PRKCH: variants seen among roughly 807,000 people sequenced by gnomAD.
PRKCH encodes the protein protein kinase C eta.
In PRKCH, 28 loss-of-function variants were observed where a neutral mutation model predicts 82.5. The ratio of observed to expected loss-of-function variants is 0.34; its 90% CI spans 0.25 to 0.47. The LOEUF is 0.47. Among genes scored for constraint, PRKCH ranks in the 20% least tolerant of loss-of-function variants. PRKCH has a pLI of 1.00. For synonymous variants in PRKCH, 322 were observed against 327.4 expected (o/e 0.98, Z 0.18); for missense variants, 705 against 881.8 (o/e 0.80, Z 2.54).
intron 2 of PRKCH, among the ~76,000 whole-genome samples, chr14:61,405,397 G>A (rs1208741604): frequency 6.9e-6 from 1 of 145,146 alleles, no homozygotes. Flanking sequence ...TTTTTTTTGA[G>A]ACGGAGTCTC....
chr14:61,463,398 G>A (rs573642456), intron 9 of PRKCH: 1 of 152,118 alleles, frequency 6.6e-6, no homozygotes, highest in South Asian at 2.1e-4. Flanking sequence ...TTGGCAAAAA[G>A]GAAATAGTAA....
At chr14:61,519,448 G>A (rs181134242) in intron 10 of PRKCH, among the ~76,000 whole-genome samples, 173 of 152,262 alleles carry the variant, frequency 1.1e-3, no homozygotes, top group African/African-American at 3.8e-3. Flanking sequence ...TCAAATAGGA[G>A]TCATTTTTGT....
intron 1 of PRKCH, among the ~76,000 whole-genome samples, chr14:61,379,665 AAGG>A (rs368688859): frequency 1.5e-3 from 231 of 152,310 alleles, no homozygotes; most frequent in African/African-American, 5.2e-3. Flanking sequence ...CCCTGCAAAG[AAGG>A]AGGCTCACTT....
intron 1 of PRKCH, among the ~76,000 whole-genome samples, chr14:61,296,342 G>A (rs906554412): frequency 1.3e-5 from 2 of 152,092 alleles, no homozygotes; most frequent in African/African-American, 4.8e-5. Flanking sequence ...CGGGGGATCG[G>A]CTAAGCTGAT....
At chr14:61,297,485 G>T (rs1340976763) in intron 1 of PRKCH, among the ~76,000 whole-genome samples, 2 of 152,144 alleles carry the variant, frequency 1.3e-5, no homozygotes, top group African/African-American at 4.8e-5. Flanking sequence ...ACTCATATTT[G>T]TCTGCTGCAG....
At position 61,242,468 on chromosome 14, in the gene PRKCH, G is replaced by A. The variant is rs186876654; in HGVS notation, c.-19+54800G>A. 4.5e-3 allele frequency among the ~76,000 whole-genome samples: 687 copies of A among 152,308 alleles called. 4 individuals are homozygous for A. Among genetic ancestry groups the A allele is most frequent in the African/African-American group, 0.016 (656 of 41,570 alleles). Reference sequence around the variant, plus strand: ...GCTGGAGTGCAGTGGCACGATCTCAGCTCACCACAACCTCTGCCTCCCAGG... The same window carrying A: ...GCTGGAGTGCAGTGGCACGATCTCAACTCACCACAACCTCTGCCTCCCAGG... On this transcript the variant is annotated intron_variant, in intron 1 of 3. Coordinates refer to the PRKCH transcript ENST00000555185.
chr14:61,255,038 C>G (rs756399246), intron 1 of PRKCH, among the ~76,000 whole-genome samples: 1 of 152,234 alleles, frequency 6.6e-6, no homozygotes, highest in African/African-American at 2.4e-5. Flanking sequence ...CAGTCCCACA[C>G]TCTCTCAAAG....
At chr14:61,305,167 A>G (rs747491299) in intron 1 of PRKCH, 1 of 151,642 alleles carries the variant, frequency 6.6e-6, no homozygotes, top group Non-Finnish European at 1.5e-5. Context: ...CCTTTCTTTT[A>G]CTGAGACTCT....
intron 1 of PRKCH, among the ~76,000 whole-genome samples, chr14:61,262,780 T>C (rs1310464904): frequency 6.6e-6 from 1 of 151,570 alleles, no homozygotes; most frequent in African/African-American, 2.4e-5. Flanking sequence ...AATCAAAAAA[T>C]AGGGAAAATG....
intron 10 of PRKCH, among the ~76,000 whole-genome samples, chr14:61,486,609 T>G (rs1218382496): frequency 3.3e-5 from 5 of 152,214 alleles, no homozygotes; most frequent in Non-Finnish European, 5.9e-5. Flanking sequence ...TTTTTTCTGC[T>G]GTTAGTGTCC....
At chr14:61,539,535 C>T (rs1010382505) in intron 12 of PRKCH, among the ~76,000 whole-genome samples, 1 of 152,140 alleles carries the variant, frequency 6.6e-6, no homozygotes, top group Admixed American at 6.5e-5. Flanking sequence ...ACTGACCCAC[C>T]GGCATTCTCA....
chr14:61,376,911 G>A (rs1406334358), intron 1 of PRKCH, among the ~76,000 whole-genome samples: 1 of 152,150 alleles, frequency 6.6e-6, no homozygotes, highest in Non-Finnish European at 1.5e-5. Context: ...CTTCTGTGCT[G>A]TTTTCCACAT....
chr14:61,457,078 G>A (rs1884800540), intron 7 of PRKCH, 98 bp from the exon 8 acceptor site: 5 of 1,333,826 alleles, frequency 3.7e-6, no homozygotes, highest in African/African-American at 2.9e-5. Context: ...ACGTTATACT[G>A]GGGGTGAGAC....
chr14:61,446,492 A>G (rs1884231787), intron 4 of PRKCH, among the ~76,000 whole-genome samples: 1 of 152,256 alleles, frequency 6.6e-6, no homozygotes, highest in Admixed American at 6.5e-5. Flanking sequence ...CTAGAGCAGT[A>G]GCCTATGTGT....
At chr14:61,257,978 T>C (rs1248124042) in intron 1 of PRKCH, among the ~76,000 whole-genome samples, 1 of 151,858 alleles carries the variant, frequency 6.6e-6, no homozygotes, top group African/African-American at 2.4e-5. Context: ...TTATGGATTT[T>C]TTTTTCTAAG....
intron 9 of PRKCH, among the ~76,000 whole-genome samples, chr14:61,474,222 G>A (rs983578323): frequency 6.6e-6 from 1 of 152,134 alleles, no homozygotes; most frequent in Non-Finnish European, 1.5e-5. Flanking sequence ...CACCATCTTA[G>A]GATCTGCTCA....
At chr14:61,451,019 G>A (rs1884486722) in intron 6 of PRKCH, 48 bp downstream of exon 6, 3 of 1,585,004 alleles carry the variant, frequency 1.9e-6, no homozygotes, top group Non-Finnish European at 1.7e-6. Context: ...GGAACACTAT[G>A]CCCTAAGCTT....
At chr14:61,432,948 T>A (rs1381332187) in intron 2 of PRKCH, among the ~76,000 whole-genome samples, 1 of 147,664 alleles carries the variant, frequency 6.8e-6, no homozygotes, top group East Asian at 2.0e-4. Context: ...GTGCAGAGCG[T>A]ACAGGTTTGT....
intron 2 of PRKCH, among the ~76,000 whole-genome samples, chr14:61,420,815 A>G (rs998629386): frequency 6.6e-6 from 1 of 152,166 alleles, no homozygotes; most frequent in African/African-American, 2.4e-5. Context: ...AGTTCCTTAA[A>G]GAGGCTAAGC....
Sources: gnomAD v4.1 joint callset for allele counts (sites outside exome capture counted in the v4.1 genomes callset) on GRCh38, gnomAD v4.1.1 for gene constraint, MANE v1.5 for transcripts, NCBI Gene and HGNC (gene_info 2026-07-23, HGNC 2026-07-21) for gene names.